Variants in THSD7A observed in about 807,000 individuals in gnomAD.
THSD7A encodes thrombospondin type-1 domain-containing protein 7A.
THSD7A carries 96 observed loss-of-function variants against 231.3 expected under a neutral mutation model. The ratio of observed to expected loss-of-function variants is 0.41; its 90% CI spans 0.35 to 0.49. The LOEUF (loss-of-function observed/expected upper bound fraction) is 0.49, where lower values mean the gene tolerates loss of function less well. THSD7A is among the 20% of genes least tolerant of loss of function. The pLI, the probability that THSD7A is intolerant of heterozygous loss-of-function variation, is 0.05. For synonymous variants in THSD7A, 940 were observed against 743.3 expected (o/e 1.26, Z -4.30); for missense variants, 2,290 against 2,070.2 (o/e 1.11, Z -2.06).
chr7:11,651,198 G>T (rs1053257427), intron 1 of THSD7A, among the ~76,000 whole-genome samples: 1 of 152,030 alleles, frequency 6.6e-6, no homozygotes, highest in African/African-American at 2.4e-5. Context: ...GACAAATACT[G>T]TATGATCCCA....
intron 1 of THSD7A, among the ~76,000 whole-genome samples, chr7:11,703,366 G>C (rs1300018650): frequency 1.3e-5 from 2 of 151,162 alleles, no homozygotes; most frequent in African/African-American, 2.4e-5. Flanking sequence ...TTTGCAGTTT[G>C]GGAATCTGAG....
chr7:11,382,225 TC>T (rs1782544144), intron 24 of THSD7A, among the ~76,000 whole-genome samples: 1 of 152,144 alleles, frequency 6.6e-6, no homozygotes, highest in African/African-American at 2.4e-5. Context: ...ATATAAAATT[TC>T]TAGAAAAGAT....
At chr7:11,656,105 T>C (rs2128370928) in intron 1 of THSD7A, among the ~76,000 whole-genome samples, 2 of 151,970 alleles carry the variant, frequency 1.3e-5, no homozygotes, top group Middle Eastern at 6.8e-3. Context: ...GGCTATAATA[T>C]TCCATTTTAC....
At chr7:11,609,088 A>C (rs1780834607) in intron 2 of THSD7A, among the ~76,000 whole-genome samples, 1 of 151,716 alleles carries the variant, frequency 6.6e-6, no homozygotes, top group African/African-American at 2.4e-5. Context: ...ATCCCATCTC[A>C]CATTGCTCTG....
intron 4 of THSD7A, among the ~76,000 whole-genome samples, chr7:11,568,419 A>T (rs928651838): frequency 3.3e-5 from 5 of 152,028 alleles, no homozygotes; most frequent in African/African-American, 1.2e-4. Flanking sequence ...AGGTCAGGAG[A>T]TCGAGACCAT....
chr7:11,401,337 T>C (rs1251208009), intron 23 of THSD7A, among the ~76,000 whole-genome samples: 1 of 152,214 alleles, frequency 6.6e-6, no homozygotes, highest in African/African-American at 2.4e-5. Context: ...ATGTTCCATC[T>C]TTCCAATCTT....
At chr7:11,498,162 G>A (rs1159673686) in intron 6 of THSD7A, among the ~76,000 whole-genome samples, 2 of 152,134 alleles carry the variant, frequency 1.3e-5, no homozygotes, top group East Asian at 1.9e-4. Flanking sequence ...CCATGGGGCT[G>A]ATCCATAACA....
chr7:11,446,109 A>T lies in THSD7A; in HGVS notation c.3016T>A (p.Tyr1006Asn). ...QGYRYQAMAC[Y>N]DQNGRLVETS... is the part of the protein sequence containing the mutation. ...TCCACAAGCCTGCCATTTTGATCGT[A>T]GCATGCCATTGCTTGGTAACGATAT... The change falls in exon 13 of 28, where the codon TAC (tyrosine) becomes AAC (asparagine). Residue 1006 changes from tyrosine (Y) to asparagine (N), a missense_variant. Coordinates refer to ENST00000423059, the MANE Select transcript of THSD7A (RefSeq NM_015204.3). The surrounding 1 kb of genome is among the most constrained non-coding windows in gnomAD (Gnocchi z 4.0). 1 of 1,613,424 alleles carries T rather than the reference A, an allele frequency of 6.2e-7. No homozygotes were observed. Among genetic ancestry groups the T allele is most frequent in the Non-Finnish European group, 8.5e-7 (1 of 1,179,564 alleles).
rs367868546 is a variant in THSD7A at position 11,590,663 on chromosome 7, A to G, written c.1272-22T>C. On this transcript the variant is annotated intron_variant, in intron 3 of 27. Coordinates refer to ENST00000423059, the MANE Select transcript of THSD7A (RefSeq NM_015204.3). This position sits in a 1 kb window ranked among gnomAD's most constrained non-coding sequence, Gnocchi z 4.4. ...ATACCTAAATAAAGACAACACCACC[A>G]GCAGCAACCATAATTATTGAATGAC... The G allele has an allele frequency of 5.0e-5, 79 of 1,577,010 alleles. No individual in the cohort carries two copies. In the African/African-American group the frequency reaches 9.5e-4, roughly 19 times the overall value.
In THSD7A at chr7:11,536,467, T is replaced by C. The variant is rs140500692; in HGVS notation, c.1822+4952A>G. Among the ~76,000 whole-genome samples, 552 of 152,250 alleles carry C rather than the reference T, an allele frequency of 3.6e-3. 26 individuals carry two copies. The highest frequency in any genetic ancestry group is 0.033 in the Admixed American group (506 of 15,272). On this transcript the variant is annotated intron_variant, in intron 6 of 27. Coordinates refer to ENST00000423059, the MANE Select transcript of THSD7A (RefSeq NM_015204.3). ...AGGTTTTTCTGGCCAATATGGAGAATTGGAAGTTTCTGGGACTCATCTTCT... is the reference window on the plus strand; with the variant it reads ...AGGTTTTTCTGGCCAATATGGAGAACTGGAAGTTTCTGGGACTCATCTTCT...
chr7:11,525,710 G>A (rs1788443562), intron 6 of THSD7A, among the ~76,000 whole-genome samples: 1 of 152,110 alleles, frequency 6.6e-6, no homozygotes, highest in Admixed American at 6.6e-5. Flanking sequence ...ACATTTCAGA[G>A]ATGCTACAAC....
rs1328233108 is a variant in THSD7A, at chr7:11,379,133, T to G, written c.4738A>C (p.Thr1580Pro). The change falls in exon 26 of 28, where the codon ACC (threonine) becomes CCC (proline). Residue 1580 changes from threonine to proline, a missense_variant. Coordinates refer to ENST00000423059, the MANE Select transcript of THSD7A (RefSeq NM_015204.3). ...DVKTSRAVHP[T>P]QPSSNPAGRG... ...CCTGCTGGGTTACTGGAGGGTTGGG[T>G]TGGATGTACAGCCCGACTGGTTTTC... The G allele has an allele frequency of 6.2e-7, 1 of 1,613,490 alleles. No individual in the cohort carries two copies. Among genetic ancestry groups the G allele is most frequent in the African/African-American group, 1.3e-5 (1 of 74,896 alleles).
intron 25 of THSD7A, 170 bp downstream of exon 25, chr7:11,379,460 A>C: frequency 1.2e-6 from 1 of 864,720 alleles, no homozygotes; most frequent in South Asian, 1.8e-5. Flanking sequence ...TGTATTCTAA[A>C]GGTGAAAGCA....
At chr7:11,573,841 T>C (rs1221906903) in intron 4 of THSD7A, among the ~76,000 whole-genome samples, 1 of 152,210 alleles carries the variant, frequency 6.6e-6, no homozygotes, top group Non-Finnish European at 1.5e-5. Context: ...ACTTATTCAA[T>C]AAACATTTAC....
At position 11,831,860 on chromosome 7, in the gene THSD7A, C is replaced by T. The variant is rs1785206634; in HGVS notation, c.87G>A (p.Pro29=). The T allele has an allele frequency of 7.7e-7, 1 of 1,303,616 alleles. No homozygotes were observed. Among genetic ancestry groups the T allele is most frequent in the Non-Finnish European group, 9.7e-7 (1 of 1,027,376 alleles). The allele number at this position is 1,303,616 out of a possible 1,614,324, so 80.8% of individuals were successfully genotyped here. A position where few individuals can be genotyped will look rare whatever the true frequency, so the allele number is the denominator to read the frequency against. ...RRGVLQLLPL[P]LPLPLLLLLL... The stretch of plus-strand genomic sequence containing the variant: ...GCAGCAGGAGCAGCGGCAGCGGCAG[C>T]GGCAGCGGCAGCAGCTGCAGGACGC... The change falls in exon 1 of 28, where the codon CCG becomes CCA. Residue 29 remains proline, a synonymous_variant. Transcript: ENST00000423059. This position sits in a 1 kb window ranked among gnomAD's most constrained non-coding sequence, Gnocchi z 5.0.
At chr7:11,465,019 T>A (rs367714270) in intron 9 of THSD7A, among the ~76,000 whole-genome samples, 1 of 152,160 alleles carries the variant, frequency 6.6e-6, no homozygotes, top group Non-Finnish European at 1.5e-5. Flanking sequence ...GCTGGCAAAC[T>A]GGGAATTTTA....
chr7:11,707,729 G>T (rs1780816368), intron 1 of THSD7A, among the ~76,000 whole-genome samples: 2 of 150,830 alleles, frequency 1.3e-5, no homozygotes, highest in Non-Finnish European at 3.0e-5. Context: ...GCAGTGTGCA[G>T]TACACTCTCG....
intron 1 of THSD7A, among the ~76,000 whole-genome samples, chr7:11,679,954 G>A (rs1316609678): frequency 6.6e-6 from 1 of 151,872 alleles, no homozygotes; most frequent in African/African-American, 2.4e-5. Flanking sequence ...TATACTACAA[G>A]GCTACAGTAA....
chr7:11,492,746 AG>A (rs1786949268), intron 6 of THSD7A, among the ~76,000 whole-genome samples: 1 of 152,128 alleles, frequency 6.6e-6, no homozygotes, highest in South Asian at 2.1e-4. Flanking sequence ...GCTTTGAAGC[AG>A]AATCTAATCC....
Sources: gnomAD v4.1 joint callset for allele counts (sites outside exome capture counted in the v4.1 genomes callset) on GRCh38, gnomAD v4.1.1 for gene constraint, Gnocchi (gnomAD v3.1) non-coding constraint, MANE v1.5 for transcripts, NCBI Gene and HGNC (gene_info 2026-07-23, HGNC 2026-07-21) for gene names.